Variants in RFC1 observed in about 807,000 individuals in gnomAD.
RFC1 encodes replication factor C subunit 1, also known as A1 140 kDa subunit.
RFC1 carries 37 observed loss-of-function variants against 137.4 expected under a neutral mutation model. The ratio of observed to expected loss-of-function variants is 0.27; its 90% CI spans 0.21 to 0.35. The LOEUF (loss-of-function observed/expected upper bound fraction) is 0.35, where lower values mean the gene tolerates loss of function less well. Ranked by LOEUF, RFC1 falls within the 10% of genes least tolerant of loss-of-function variation. The pLI, the probability that RFC1 is intolerant of heterozygous loss-of-function variation, is 1.00. For synonymous variants in RFC1, 429 were observed against 455.7 expected (o/e 0.94, Z 0.75); for missense variants, 1,205 against 1,358.5 (o/e 0.89, Z 1.78).
intron 21 of RFC1, 41 bp from the exon 22 acceptor site, chr4:39,295,800 A>T: frequency 6.3e-7 from 1 of 1,581,642 alleles, no homozygotes. Context: ...TATGTTCCGT[A>T]CAAAGTTACT....
At chr4:39,315,948 C>T (rs576773629) in intron 10 of RFC1, among the ~76,000 whole-genome samples, 5 of 152,228 alleles carry the variant, frequency 3.3e-5, no homozygotes, top group African/African-American at 9.6e-5. Flanking sequence ...AATTCCTTCT[C>T]GGCCGGGCCC....
intron 11 of RFC1, 45 bp from the exon 12 acceptor site, chr4:39,311,594 T>C (rs773041354): frequency 3.9e-5 from 57 of 1,468,564 alleles, no homozygotes; most frequent in Admixed American, 1.3e-4. Context: ...TCCTGCATCC[T>C]ACCATTCCCT....
At chr4:39,340,066 A>G (rs1324802585) in intron 4 of RFC1, among the ~76,000 whole-genome samples, 2 of 152,244 alleles carry the variant, frequency 1.3e-5, no homozygotes, top group African/African-American at 2.4e-5. Flanking sequence ...TCATTTGATT[A>G]TCACAAAGGC....
chr4:39,301,056 G>A (rs1246717294), intron 19 of RFC1, among the ~76,000 whole-genome samples: 2 of 149,616 alleles, frequency 1.3e-5, no homozygotes, highest in Non-Finnish European at 3.0e-5. Flanking sequence ...TCACACCACT[G>A]TACTCCAGCC....
In RFC1 at chr4:39,333,852, T is replaced by G. The variant is rs570806176; in HGVS notation, c.332-6096A>C. ...TAATTTTATAAACATTTTTATAATT[T>G]CTGAGAAAAATTTAATTACACATGG... is the stretch of plus-strand genomic sequence containing the variant. On this transcript the variant is annotated intron_variant, in intron 4 of 24. Transcript: ENST00000349703. Among the ~76,000 whole-genome samples the G allele has an allele frequency of 2.0e-5, 3 of 152,254 alleles. No homozygotes were observed. The South Asian group carries it at 6.2e-4, about 32-fold the overall frequency.
At chr4:39,325,549 ATT>A (rs977860349) in intron 6 of RFC1, among the ~76,000 whole-genome samples, 26 of 151,916 alleles carry the variant, frequency 1.7e-4, no homozygotes, top group African/African-American at 2.4e-5. Flanking sequence ...TGCCCAGTTG[ATT>A]TTTGTATTTT....
intron 2 of RFC1, among the ~76,000 whole-genome samples, chr4:39,349,429 CTCAT>C (rs1205747047): frequency 2.6e-5 from 4 of 152,124 alleles, no homozygotes; most frequent in South Asian, 2.1e-4. Flanking sequence ...CACCAGAGTG[CTCAT>C]TCAATCTCTA....
intron 22 of RFC1, among the ~76,000 whole-genome samples, chr4:39,294,181 A>G (rs773485935): frequency 1.0e-3 from 155 of 152,358 alleles, no homozygotes; most frequent in Non-Finnish European, 1.9e-3. Context: ...AAACTAATAC[A>G]TGGGTAGCAC....
intron 10 of RFC1, among the ~76,000 whole-genome samples, chr4:39,316,528 G>A (rs1391946166): frequency 3.3e-5 from 5 of 151,992 alleles, no homozygotes; most frequent in Non-Finnish European, 7.4e-5. Context: ...CCCCACCAAG[G>A]ACCAGGTTCC....
At chr4:39,341,155 G>C (rs1282181005) in intron 4 of RFC1, among the ~76,000 whole-genome samples, 2 of 152,202 alleles carry the variant, frequency 1.3e-5, no homozygotes, top group Non-Finnish European at 2.9e-5. Context: ...GATAACAACA[G>C]CCCTGATCCA....
intron 22 of RFC1, among the ~76,000 whole-genome samples, chr4:39,292,373 TAC>T (rs1474597808): frequency 6.6e-6 from 1 of 152,110 alleles, no homozygotes; most frequent in Non-Finnish European, 1.5e-5. Context: ...CTAAGAAAAT[TAC>T]AGAGTGTTCC....
chr4:39,350,999 T>C (rs528850122), intron 2 of RFC1, among the ~76,000 whole-genome samples: 15 of 151,984 alleles, frequency 9.9e-5, no homozygotes, highest in East Asian at 1.9e-4. Context: ...GCCTGTAATC[T>C]CAGCACTTTG....
intron 15 of RFC1, 109 bp from the exon 16 acceptor site, chr4:39,303,260 C>T: frequency 3.3e-6 from 2 of 612,934 alleles, no homozygotes; most frequent in South Asian, 1.7e-5. Flanking sequence ...TCAAAAGCTA[C>T]AAGAATATGC....
In RFC1 at chr4:39,300,093, G is replaced by C. The variant is rs1362838626; in HGVS notation, c.2736C>G (p.Asp912Glu). Reference sequence around the variant, plus strand: ...CCACTAGGTCACCATCGCATATGCTGTCTGCTGCTCTGCTTAAAAGCATCA... The same window carrying C: ...CCACTAGGTCACCATCGCATATGCTCTCTGCTGCTCTGCTTAAAAGCATCA... Reference protein sequence around the residue: ...KHLMLLSRAADSICDGDLVDS... With the variant: ...KHLMLLSRAAESICDGDLVDS... Residue 912 changes from aspartate to glutamate, a missense_variant, in exon 21 of 25, where the codon GAC becomes GAG. Coordinates refer to ENST00000349703, the MANE Select transcript of RFC1 (RefSeq NM_002913.5). 2 of 1,614,142 alleles carry C rather than the reference G, an allele frequency of 1.2e-6. No homozygotes were observed. The highest frequency in any genetic ancestry group is 1.7e-5 in the Admixed American group (1 of 60,022).
Position 39,300,315 on chromosome 4 carries a change from T to C in RFC1, c.2635A>G (p.Ile879Val), listed in dbSNP as rs1464085133. The C allele has an allele frequency of 5.6e-6, 9 of 1,613,992 alleles. No individual in the cohort carries two copies. In the African/African-American group the frequency reaches 8.0e-5, roughly 14 times the overall value. Residue 879 changes from isoleucine to valine, a missense_variant, in exon 20 of 25, where the codon ATA becomes GTA. Ile to Val is a conservative substitution (Grantham distance 29, BLOSUM62 3). Around this residue, in one of 3 missense-constraint regions of RFC1, gnomAD observed 962 missense variants for 1,035.3 expected, o/e 0.93. Coordinates refer to ENST00000349703, the MANE Select transcript of RFC1 (RefSeq NM_002913.5). ...KSDLFFHDYS[I>V]APLFVQENYI... ...TTTTCCTGGACGAAGAGGGGTGCTA[T>C]TGAATAATCATGAAAAAAGAGATCT...
At position 39,325,350 on chromosome 4, in the gene RFC1, G is replaced by A. The variant is rs541917558; in HGVS notation, c.642+1213C>T. ...TCCTGTGTTCCAGCCTTAGTAAATC[G>A]TATCACCATTCACCCAGTTGTTAAG... On this transcript the variant is annotated intron_variant, in intron 6 of 24. Coordinates refer to ENST00000349703, the MANE Select transcript of RFC1 (RefSeq NM_002913.5). 1.1e-4 allele frequency among the ~76,000 whole-genome samples: 17 copies of A among 152,166 alleles called. 1 individual carries two copies. In the South Asian group the frequency reaches 3.3e-3, roughly 30 times the overall value.
At position 39,306,701 on chromosome 4, in the gene RFC1, G is replaced by T; in HGVS notation, c.1886C>A (p.Ala629Glu). 6.2e-7 allele frequency: 1 copy of T among 1,602,504 alleles called. No homozygotes were observed. Among genetic ancestry groups the T allele is most frequent in the Non-Finnish European group, 8.6e-7 (1 of 1,169,570 alleles). Residue 629 changes from alanine to glutamate, a missense_variant and splice_region_variant, in exon 14 of 25, where the codon GCA (alanine) becomes GAA (glutamate). Ala to Glu is a moderately radical substitution (Grantham distance 107). Transcript: ENST00000349703. ...QKSSSEDKKH[A>E]KFGKFSGKDD... Reference sequence around the variant, plus strand: ...TTTGCCGGAAAATTTACCAAACTTTGCTGCTAGGAAAAAAGAAGTTCCAGA... The same window carrying T: ...TTTGCCGGAAAATTTACCAAACTTTTCTGCTAGGAAAAAAGAAGTTCCAGA...
chr4:39,319,315 A>G lies in RFC1; in HGVS notation c.1095+1068T>C, dbSNP rs17288223. 8.9e-3 allele frequency among the ~76,000 whole-genome samples: 1,351 copies of G among 152,302 alleles called. 11 individuals carry two copies. The highest frequency in any genetic ancestry group is 0.024 in the Middle Eastern group (7 of 294). On this transcript the variant is annotated intron_variant, in intron 9 of 24. Transcript: ENST00000349703. ...TCCAGAGCCTGTGTGTGGAGCCACT[A>G]TGTTATACTGCTTCAGAGGACCTGA... is the stretch of plus-strand genomic sequence containing the variant.
At position 39,306,683 on chromosome 4, in the gene RFC1, G is replaced by A. The variant is rs55727832; in HGVS notation, c.1904C>T (p.Ser635Phe). ...AAAACTAGAGCCATCATCTTTGCCG[G>A]AAAATTTACCAAACTTTGCTGCTAG... is the stretch of plus-strand genomic sequence containing the variant. ...DKKHAKFGKF[S>F]GKDDGSSFKA... Residue 635 changes from serine to phenylalanine, a missense_variant, in exon 14 of 25, where the codon TCC becomes TTC. Coordinates refer to ENST00000349703, the MANE Select transcript of RFC1 (RefSeq NM_002913.5). 316 of 1,612,930 alleles carry A rather than the reference G, an allele frequency of 2.0e-4. 3 individuals carry two copies. In the South Asian group the frequency reaches 3.1e-3, roughly 16 times the overall value.
Sources: gnomAD v4.1 joint callset for allele counts (sites outside exome capture counted in the v4.1 genomes callset) on GRCh38, gnomAD v4.1.1 for gene constraint, gnomAD v4.1.1 regional missense constraint, MANE v1.5 for transcripts, NCBI Gene and HGNC (gene_info 2026-07-23, HGNC 2026-07-21) for gene names.